TRDN: variants seen among roughly 807,000 people sequenced by gnomAD.
TRDN encodes triadin, also known as triadin in skeletal muscle.
In TRDN, 161 loss-of-function variants were observed where a neutral mutation model predicts 149.7. That is an observed-to-expected ratio of 1.08 (90% CI 0.95 to 1.23). TRDN has a LOEUF of 1.23. TRDN is among the 50% of genes most tolerant of loss of function. The probability of loss-of-function intolerance (pLI) is 0.00; values close to 1 mark genes in which losing one functional copy is unlikely to be tolerated. For synonymous variants in TRDN, 294 were observed against 250.5 expected (o/e 1.17, Z -1.64); for missense variants, 896 against 823.5 (o/e 1.09, Z -1.08).
At chr6:123,302,701 T>C (rs2114673434) in intron 24 of TRDN, among the ~76,000 whole-genome samples, 1 of 152,224 alleles carries the variant, frequency 6.6e-6, no homozygotes, top group Non-Finnish European at 1.5e-5. Context: ...AAGCTTGATG[T>C]TTTTCTTTCT....
At chr6:123,549,020 A>T (rs1781257370) in intron 2 of TRDN, among the ~76,000 whole-genome samples, 1 of 152,050 alleles carries the variant, frequency 6.6e-6, no homozygotes, top group East Asian at 1.9e-4. Context: ...GACAAATAAC[A>T]AGTTCTGCAA....
At chr6:123,555,870 C>A (rs934704504) in intron 2 of TRDN, among the ~76,000 whole-genome samples, 1 of 152,022 alleles carries the variant, frequency 6.6e-6, no homozygotes, top group Admixed American at 6.6e-5. Flanking sequence ...AAAATTGAAT[C>A]CAGCTACTGT....
At chr6:123,545,781 G>A (rs923440996) in intron 4 of TRDN, among the ~76,000 whole-genome samples, 2 of 151,790 alleles carry the variant, frequency 1.3e-5, no homozygotes, top group African/African-American at 2.4e-5. Context: ...TTGATTTGCT[G>A]AATCAAGGAA....
rs544310439 is a variant in TRDN at position 123,226,820 on chromosome 6, G to A, written c.1976-2689C>T. On this transcript the variant is annotated intron_variant, in intron 38 of 40. Transcript: ENST00000334268. ...AGAAGGTAGAATCATGGCAGTGAAA[G>A]GAGTGTCAAAATGTGCCAATGAAAT... Among the ~76,000 whole-genome samples, 1,117 of 151,950 alleles carry A rather than the reference G, an allele frequency of 7.4e-3. 4 individuals carry two copies. The highest frequency in any genetic ancestry group is 0.044 in the Middle Eastern group (13 of 294).
chr6:123,502,493 A>G, intron 8 of TRDN: 1 of 890,210 alleles, frequency 1.1e-6, no homozygotes, highest in South Asian at 5.2e-5. Flanking sequence ...CCTTTTTAAA[A>G]TATATATTTT....
At chr6:123,233,376 A>G (rs1163388524) in intron 38 of TRDN, among the ~76,000 whole-genome samples, 1 of 152,114 alleles carries the variant, frequency 6.6e-6, no homozygotes, top group Non-Finnish European at 1.5e-5. Flanking sequence ...CTAGGGAATA[A>G]TAAACTATGC....
chr6:123,540,741 A>G (rs957307639), intron 4 of TRDN, among the ~76,000 whole-genome samples: 1 of 152,030 alleles, frequency 6.6e-6, no homozygotes, highest in Non-Finnish European at 1.5e-5. Context: ...GATGGCCTCC[A>G]TTTCCTGACC....
At chr6:123,295,601 A>C (rs1015151234) in intron 24 of TRDN, among the ~76,000 whole-genome samples, 7 of 152,166 alleles carry the variant, frequency 4.6e-5, no homozygotes, top group African/African-American at 1.7e-4. Flanking sequence ...ATCTTAATTA[A>C]GTTGATTGAC....
chr6:123,377,682 G>C, intron 18 of TRDN, 34 bp downstream of exon 18: 1 of 1,612,390 alleles, frequency 6.2e-7, no homozygotes, highest in Non-Finnish European at 8.5e-7. Context: ...CTGGACATGA[G>C]TATTCGGAAT....
In TRDN at chr6:123,226,249, T is replaced by A. The variant is rs140441701; in HGVS notation, c.1976-2118A>T. 2.8e-3 allele frequency among the ~76,000 whole-genome samples: 421 copies of A among 151,976 alleles called. 4 individuals carry two copies. Among genetic ancestry groups the A allele is most frequent in the African/African-American group, 9.8e-3 (409 of 41,532 alleles). ...TGAAACAGTACAAACTGTTATATGATGTTGTGAAATAACTTAATATCTATA... is the reference window on the plus strand; with the variant it reads ...TGAAACAGTACAAACTGTTATATGAAGTTGTGAAATAACTTAATATCTATA... On this transcript the variant is annotated intron_variant, in intron 38 of 40. Coordinates refer to ENST00000334268, the MANE Select transcript of TRDN (RefSeq NM_006073.4).
intron 24 of TRDN, among the ~76,000 whole-genome samples, chr6:123,300,532 T>A (rs954172706): frequency 6.6e-6 from 1 of 151,904 alleles, no homozygotes; most frequent in African/African-American, 2.4e-5. Flanking sequence ...TTAAATCAGC[T>A]GAGAAAAATT....
At chr6:123,488,291 G>A (rs1451417207) in intron 9 of TRDN, among the ~76,000 whole-genome samples, 1 of 152,088 alleles carries the variant, frequency 6.6e-6, no homozygotes, top group East Asian at 1.9e-4. Context: ...AAATGGTAAT[G>A]ACCCTTGGTA....
chr6:123,515,669 T>C (rs1779377568), intron 6 of TRDN, among the ~76,000 whole-genome samples: 1 of 151,988 alleles, frequency 6.6e-6, no homozygotes. Context: ...TGGGAGCCAG[T>C]AGGCTGGGAG....
Position 123,382,116 on chromosome 6 carries a change from A to AC in TRDN, c.1165+1dup, listed in dbSNP as rs1223836339. 1.3e-6 allele frequency: 2 copies of AC among 1,495,250 alleles called. No individual in the cohort carries two copies. The highest frequency in any genetic ancestry group is 1.8e-6 in the Non-Finnish European group (2 of 1,121,858). 92.6% of individuals were successfully genotyped at this position (1,495,250 alleles called of 1,614,324 possible). A position where few individuals can be genotyped will look rare whatever the true frequency, so the allele number is the denominator to read the frequency against. ...GCAGAAAAAAAGAAATATGTCCAGT[A>AC]CCTTCTGCAGGTTTTTTTGTTTTCT... On this transcript the variant is annotated splice_donor_variant, in intron 15 of 40. Transcript: ENST00000334268. LOFTEE classifies it high-confidence loss of function.
chr6:123,226,671 C>A (rs546385779), intron 38 of TRDN, among the ~76,000 whole-genome samples: 1 of 151,900 alleles, frequency 6.6e-6, no homozygotes, highest in East Asian at 1.9e-4. Context: ...AGAGACTTAG[C>A]AGCAAACATT....
intron 5 of TRDN, among the ~76,000 whole-genome samples, chr6:123,516,844 T>A (rs937504816): frequency 6.6e-6 from 1 of 152,082 alleles, no homozygotes; most frequent in Non-Finnish European, 1.5e-5. Flanking sequence ...GCTAGAAACA[T>A]GAGACTCATC....
intron 2 of TRDN, among the ~76,000 whole-genome samples, chr6:123,569,757 G>A (rs1453971113): frequency 2.0e-5 from 3 of 152,036 alleles, no homozygotes; most frequent in Non-Finnish European, 4.4e-5. Context: ...CAGATCTCAT[G>A]AGAACTCACT....
rs542928532 is a variant in TRDN at position 123,458,986 on chromosome 6, A to G, written c.931+5920T>C. ...GCAAAAGAAAAAATATAATATATTA[A>G]GCTGCCCAAAAGTGTTTTGTCATGA... On this transcript the variant is annotated intron_variant, in intron 10 of 40. Coordinates refer to ENST00000334268, the MANE Select transcript of TRDN (RefSeq NM_006073.4). Among the ~76,000 whole-genome samples, 6 of 152,340 alleles carry G rather than the reference A, an allele frequency of 3.9e-5. No individual in the cohort carries two copies. The South Asian group carries it at 1.2e-3, about 32-fold the overall frequency.
chr6:123,599,215 T>C (rs1329764978), intron 1 of TRDN, among the ~76,000 whole-genome samples: 1 of 152,118 alleles, frequency 6.6e-6, no homozygotes, highest in East Asian at 1.9e-4. Flanking sequence ...ACTTCAGCTC[T>C]ATCCATTTAT....
Sources: allele counts gnomAD v4.1 joint callset (sites outside exome capture counted in the v4.1 genomes callset), GRCh38; gene constraint gnomAD v4.1.1; transcripts MANE v1.5; gene names NCBI Gene and HGNC (gene_info 2026-07-23, HGNC 2026-07-21).